The following TARS3 variants were observed in gnomAD, a reference collection of about 807,000 sequenced individuals.
TARS3 encodes threonine--tRNA ligase 2, cytoplasmic.
Under a neutral mutation model 103.5 loss-of-function variants are expected in TARS3, and 94 were observed. The ratio of observed to expected loss-of-function variants is 0.91; its 90% CI spans 0.77 to 1.08. The LOEUF is 1.08. Ranked by LOEUF, TARS3 falls within the 50% of genes least tolerant of loss-of-function variation. The pLI is 0.00. For missense variants in TARS3, 952 were observed against 995.2 expected (o/e 0.96, Z 0.58); for synonymous variants, 416 against 355.4 (o/e 1.17, Z -1.92).
At chr15:101,722,746 G>C (rs935887921) in intron 2 of TARS3, among the ~76,000 whole-genome samples, 1 of 151,386 alleles carries the variant, frequency 6.6e-6, no homozygotes, top group Non-Finnish European at 1.5e-5. Context: ...TTGAACCTGG[G>C]AGGTGGAGGC....
intron 17 of TARS3, 95 bp from the exon 18 acceptor site, chr15:101,657,131 A>G (rs1897221826): frequency 1.3e-6 from 1 of 767,884 alleles, no homozygotes; most frequent in East Asian, 2.6e-5. Context: ...ACACCTTTGT[A>G]TAGTTCCCTG....
At chr15:101,713,765 T>C (rs1406273423) in intron 4 of TARS3, among the ~76,000 whole-genome samples, 4 of 152,190 alleles carry the variant, frequency 2.6e-5, no homozygotes, top group African/African-American at 9.7e-5. Flanking sequence ...TTGTACAATA[T>C]CTACATGCAG....
At chr15:101,677,363 C>G (rs1463544361) in intron 12 of TARS3, among the ~76,000 whole-genome samples, 1 of 152,164 alleles carries the variant, frequency 6.6e-6, no homozygotes, top group Non-Finnish European at 1.5e-5. Context: ...TTTATTTTCT[C>G]CTGTTCTCAG....
At chr15:101,702,521 G>T in intron 8 of TARS3, 136 bp from the exon 9 acceptor site, 1 of 746,928 alleles carries the variant, frequency 1.3e-6, no homozygotes, top group Non-Finnish European at 2.2e-6. Flanking sequence ...TATAATCCCA[G>T]CACTTTGGGA....
At chr15:101,708,696 G>T in intron 6 of TARS3, 97 bp downstream of exon 6, 1 of 835,064 alleles carries the variant, frequency 1.2e-6, no homozygotes, top group Non-Finnish European at 2.0e-6. Context: ...GAATAATTTG[G>T]TGAGCAACAG....
intron 7 of TARS3, among the ~76,000 whole-genome samples, chr15:101,704,180 A>T (rs1276026773): frequency 6.6e-6 from 1 of 152,240 alleles, no homozygotes; most frequent in Admixed American, 6.5e-5. Context: ...TTAAAAACTT[A>T]AAAATTACAA....
intron 16 of TARS3, among the ~76,000 whole-genome samples, chr15:101,660,277 T>C (rs1360372684): frequency 1.3e-5 from 2 of 152,022 alleles, no homozygotes; most frequent in African/African-American, 4.8e-5. Context: ...GAATGGGAGG[T>C]AGAAATTTCA....
intron 15 of TARS3, among the ~76,000 whole-genome samples, chr15:101,663,813 ATAG>A (rs1897473873): frequency 6.6e-6 from 1 of 152,236 alleles, no homozygotes; most frequent in South Asian, 2.1e-4. Context: ...AACAATACAA[ATAG>A]TAGTCATATT....
At chr15:101,668,546 C>A (rs868575336) in intron 15 of TARS3, among the ~76,000 whole-genome samples, 5 of 152,124 alleles carry the variant, frequency 3.3e-5, no homozygotes, top group Non-Finnish European at 7.4e-5. Context: ...AAGTGTGACA[C>A]AAAGACATGA....
chr15:101,669,243 AG>A (rs1161631947), intron 15 of TARS3, among the ~76,000 whole-genome samples: 1 of 152,220 alleles, frequency 6.6e-6, no homozygotes, highest in Non-Finnish European at 1.5e-5. Context: ...AAATTTTTGA[AG>A]TTTTTAATAG....
At chr15:101,721,048 C>T (rs1284739454) in intron 3 of TARS3, 78 bp downstream of exon 3, 16 of 1,211,220 alleles carry the variant, frequency 1.3e-5, no homozygotes, top group South Asian at 4.5e-5. Flanking sequence ...AATATATTAG[C>T]GGTCCCTAAG....
intron 3 of TARS3, 79 bp from the exon 4 acceptor site, chr15:101,715,042 G>T: frequency 1.4e-6 from 2 of 1,391,628 alleles, no homozygotes; most frequent in South Asian, 1.7e-5. Context: ...GAATTTCTAG[G>T]GTTTTTTTTT....
chr15:101,721,310 G>C lies in TARS3; in HGVS notation c.382C>G (p.Pro128Ala), dbSNP rs781290920. The C allele has an allele frequency of 6.2e-7, 1 of 1,609,428 alleles. No homozygotes were observed. Among genetic ancestry groups the C allele is most frequent in the African/African-American group, 1.3e-5 (1 of 74,768 alleles). Residue 128 changes from proline to alanine, a missense_variant, in exon 3 of 19, where the codon CCA becomes GCA. Physicochemically the swap from Pro to Ala is conservative, Grantham distance 27. Around this residue, in one of 2 missense-constraint regions of TARS3, gnomAD observed 412 missense variants for 364.2 expected, o/e 1.13. Transcript: ENST00000335968. Reference protein sequence around the residue: ...SEADSEVKHQPIFIKERLKLF... With the variant: ...SEADSEVKHQAIFIKERLKLF... ...TTCAATCTTTCTTTTATGAAAATTG[G>C]TTGATGCTTCACCTGGAAATTATTA...
chr15:101,672,621 T>C (rs1241620764), intron 13 of TARS3, among the ~76,000 whole-genome samples: 2 of 151,940 alleles, frequency 1.3e-5, no homozygotes, highest in Admixed American at 1.3e-4. Context: ...AGCTGACTCC[T>C]GGAGTCCTGG....
At chr15:101,707,051 A>G (rs1294340128) in intron 6 of TARS3, among the ~76,000 whole-genome samples, 3 of 152,252 alleles carry the variant, frequency 2.0e-5, no homozygotes, top group Admixed American at 6.5e-5. Context: ...CTTCAAGAAA[A>G]TACACAAATG....
intron 4 of TARS3, among the ~76,000 whole-genome samples, chr15:101,712,383 G>T (rs1439717743): frequency 6.6e-6 from 1 of 152,318 alleles, no homozygotes; most frequent in East Asian, 1.9e-4. Flanking sequence ...AGTGCCAGAT[G>T]CTAGCTGTCT....
intron 15 of TARS3, among the ~76,000 whole-genome samples, chr15:101,670,569 G>A (rs1040941893): frequency 6.6e-6 from 1 of 152,208 alleles, no homozygotes; most frequent in East Asian, 1.9e-4. Flanking sequence ...CACATTGCAG[G>A]TGAGAATGCA....
Position 101,723,345 on chromosome 15 carries a change from C to T in TARS3, c.298-181G>A, listed in dbSNP as rs544462556. 1.7e-4 allele frequency among the ~76,000 whole-genome samples: 26 copies of T among 152,326 alleles called. No individual in the cohort carries two copies. In the South Asian group the frequency reaches 5.4e-3, roughly 32 times the overall value. Reference sequence around the variant, plus strand: ...TTCTCCAGGGTTCAGTCCTTCCTGTCACACTGTTGCTAAGCACATTTAATA... The same window carrying T: ...TTCTCCAGGGTTCAGTCCTTCCTGTTACACTGTTGCTAAGCACATTTAATA... On this transcript the variant is annotated intron_variant, in intron 1 of 18. Coordinates refer to ENST00000335968, the MANE Select transcript of TARS3 (RefSeq NM_152334.3).
chr15:101,689,681 A>G (rs542019103), intron 10 of TARS3, among the ~76,000 whole-genome samples: 1 of 152,354 alleles, frequency 6.6e-6, no homozygotes, highest in Admixed American at 6.5e-5. Flanking sequence ...AAGGCAAGGA[A>G]GGATTCCCCC....
Sources: gnomAD v4.1 joint callset for allele counts (sites outside exome capture counted in the v4.1 genomes callset) on GRCh38, gnomAD v4.1.1 for gene constraint, gnomAD v4.1.1 regional missense constraint, MANE v1.5 for transcripts, NCBI Gene and HGNC (gene_info 2026-07-23, HGNC 2026-07-21) for gene names.